The following ANKRD44 variants were observed in gnomAD, a reference collection of about 807,000 sequenced individuals.
ANKRD44 encodes serine/threonine-protein phosphatase 6 regulatory ankyrin repeat subunit B.
Under a neutral mutation model 116.0 loss-of-function variants are expected in ANKRD44, and 35 were observed. The observed-to-expected ratio is 0.30, with a 90% confidence interval of 0.23 to 0.40. The LOEUF (loss-of-function observed/expected upper bound fraction) is 0.40, where lower values mean the gene tolerates loss of function less well. Among genes scored for constraint, ANKRD44 ranks in the 10% least tolerant of loss-of-function variants. ANKRD44 has a pLI of 1.00. For synonymous variants in ANKRD44, 435 were observed against 461.8 expected (o/e 0.94, Z 0.74); for missense variants, 1,014 against 1,242.6 (o/e 0.82, Z 2.77).
intron 18 of ANKRD44, among the ~76,000 whole-genome samples, chr2:197,012,856 A>G (rs1263527783): frequency 6.6e-6 from 1 of 152,268 alleles, no homozygotes; most frequent in East Asian, 1.9e-4. Context: ...AGCCAAAGAT[A>G]TCTATGCCTT....
intron 1 of ANKRD44, among the ~76,000 whole-genome samples, chr2:197,200,710 C>T (rs2081074251): frequency 6.6e-6 from 1 of 152,176 alleles, no homozygotes. Context: ...ATTTAAGCTG[C>T]TCCTGCCCAT....
intron 13 of ANKRD44, among the ~76,000 whole-genome samples, chr2:197,083,976 A>C (rs947985075): frequency 3.9e-5 from 6 of 152,020 alleles, no homozygotes; most frequent in African/African-American, 1.4e-4. Flanking sequence ...GCTTTTTTGG[A>C]TCATTGCAAG....
intron 16 of ANKRD44, among the ~76,000 whole-genome samples, chr2:197,041,741 A>ATCTCAGG (rs1428177701): frequency 2.0e-5 from 3 of 152,146 alleles, no homozygotes; most frequent in African/African-American, 4.8e-5. Flanking sequence ...CAGATCTCAG[A>ATCTCAGG]TCACCTGCAG....
At chr2:197,232,272 A>C (rs1424616708) in intron 1 of ANKRD44, among the ~76,000 whole-genome samples, 1 of 152,184 alleles carries the variant, frequency 6.6e-6, no homozygotes, top group Non-Finnish European at 1.5e-5. Flanking sequence ...GGTGAACTCC[A>C]TTTGATCCGA....
chr2:197,234,576 T>C (rs2081939823), intron 1 of ANKRD44, among the ~76,000 whole-genome samples: 1 of 152,226 alleles, frequency 6.6e-6, no homozygotes, highest in East Asian at 1.9e-4. Context: ...TTTTAAAATT[T>C]TCTAGATTTT....
chr2:197,268,859 T>C (rs1109475), intron 1 of ANKRD44, among the ~76,000 whole-genome samples: 1 of 152,026 alleles, frequency 6.6e-6, no homozygotes, highest in Non-Finnish European at 1.5e-5. Context: ...ACTGGGGAAA[T>C]CATGTTTTAA....
intron 1 of ANKRD44, 38 bp from the exon 2 acceptor site, chr2:197,187,144 A>T (rs2080697419): frequency 2.5e-6 from 4 of 1,576,124 alleles, no homozygotes; most frequent in Middle Eastern, 3.3e-4. Context: ...AACTAAAATT[A>T]ATACATCTGA....
intron 17 of ANKRD44, among the ~76,000 whole-genome samples, chr2:197,018,143 C>T (rs562053758): frequency 3.9e-5 from 6 of 152,352 alleles, no homozygotes; most frequent in Admixed American, 3.9e-4. Context: ...GCTTCCCTTC[C>T]TATCCTTGTC....
At chr2:197,023,589 C>G (rs1434696834) in intron 17 of ANKRD44, among the ~76,000 whole-genome samples, 1 of 151,974 alleles carries the variant, frequency 6.6e-6, no homozygotes, top group South Asian at 2.1e-4. Context: ...AAAAGAAGAA[C>G]GAGAGATGAT....
Position 197,232,500 on chromosome 2 carries a change from C to A in ANKRD44, c.28-45394G>T, listed in dbSNP as rs144788039. On this transcript the variant is annotated intron_variant, in intron 1 of 27. Transcript: ENST00000282272. ...CAGGTAGAAATGGGAGAAATAAGCA[C>A]CACATATTTACAAGGATGTTGAGGA... Among the ~76,000 whole-genome samples, 818 of 152,304 alleles carry A rather than the reference C, an allele frequency of 5.4e-3. 7 individuals are homozygous for A. Among genetic ancestry groups the A allele is most frequent in the African/African-American group, 0.019 (769 of 41,552 alleles).
intron 1 of ANKRD44, among the ~76,000 whole-genome samples, chr2:197,231,148 C>T (rs1189871500): frequency 2.6e-5 from 4 of 152,070 alleles, no homozygotes; most frequent in African/African-American, 9.7e-5. Context: ...GAGGGCTGGG[C>T]GTGATGGCTT....
Position 196,989,444 on chromosome 2 carries a change from A to G in ANKRD44, c.*147T>C. On this transcript the variant is annotated 3_prime_UTR_variant, in exon 28 of 28. Transcript: ENST00000282272. ...AGTTCTCACTTGCATTTTGAAGGAA[A>G]AAAATGTGTATCTTCCATTTTAGAC... The G allele has an allele frequency of 2.3e-5, 29 of 1,267,500 alleles. No homozygotes were observed. Among genetic ancestry groups the G allele is most frequent in the Non-Finnish European group, 2.9e-5 (29 of 1,004,358 alleles). 78.5% of individuals were successfully genotyped at this position (1,267,500 alleles called of 1,614,324 possible). A position where few individuals can be genotyped will look rare whatever the true frequency, so the allele number is the denominator to read the frequency against.
In ANKRD44 at chr2:197,110,777, A is replaced by C; in HGVS notation, c.974T>G (p.Leu325Arg). 6.2e-7 allele frequency: 1 copy of C among 1,613,372 alleles called. No individual in the cohort carries two copies. The highest frequency in any genetic ancestry group is 8.5e-7 in the Non-Finnish European group (1 of 1,179,328). ...VHGRFTRSQT[L>R]IQNGGEIDCV... ...AGCATCTCTCTTACCATTCTGAATG[A>C]GGGTCTGTGACCGTGTGAACCTTCC... is the stretch of plus-strand genomic sequence containing the variant. The change falls in exon 9 of 28, where the codon CTC becomes CGC. Residue 325 changes from leucine to arginine, a missense_variant. By Grantham distance (102) the Leu-to-Arg change is moderately radical. Coordinates refer to ENST00000282272, the MANE Select transcript of ANKRD44 (RefSeq NM_001195144.2).
In ANKRD44 at chr2:197,187,092, C is replaced by T. The variant is rs780816862; in HGVS notation, c.42G>A (p.Gln14=). 3.1e-6 allele frequency: 5 copies of T among 1,614,098 alleles called. No homozygotes were observed. In the South Asian group the frequency reaches 4.4e-5, roughly 14 times the overall value. ...CCTCTGGATCACCGCTGAAGATTGC[C>T]TGAACCAATGGTGGCTGCAAACACA... ...LKLTDQPPLV[Q]AIFSGDPEEI... is the part of the protein sequence containing the mutation. The change falls in exon 2 of 28, where the codon CAG becomes CAA. Residue 14 remains glutamine (Q), a synonymous_variant. Transcript: ENST00000282272.
chr2:197,308,815 T>C (rs2084153199), intron 1 of ANKRD44, among the ~76,000 whole-genome samples: 1 of 152,194 alleles, frequency 6.6e-6, no homozygotes, highest in African/African-American at 2.4e-5. Flanking sequence ...GAAGAGATGT[T>C]TTCTTGTAAC....
intron 2 of ANKRD44, among the ~76,000 whole-genome samples, chr2:197,168,842 A>G (rs2080160490): frequency 6.6e-6 from 1 of 152,186 alleles, no homozygotes; most frequent in African/African-American, 2.4e-5. Context: ...GCTCATGAGT[A>G]CATGGCGTCA....
chr2:197,010,899 C>T (rs2076287629), intron 18 of ANKRD44, among the ~76,000 whole-genome samples: 1 of 152,204 alleles, frequency 6.6e-6, no homozygotes, highest in Non-Finnish European at 1.5e-5. Flanking sequence ...AACAATGACA[C>T]ATTTTTTCAG....
chr2:197,099,778 T>G (rs1408539125), intron 10 of ANKRD44, 38 bp downstream of exon 10: 1 of 1,612,268 alleles, frequency 6.2e-7, no homozygotes, highest in East Asian at 2.2e-5. Flanking sequence ...TATTCCCACT[T>G]GAGGCAATTA....
chr2:197,274,575 G>A (rs750194792), intron 1 of ANKRD44, among the ~76,000 whole-genome samples: 1 of 152,172 alleles, frequency 6.6e-6, no homozygotes, highest in African/African-American at 2.4e-5. Context: ...TCACTCCAGG[G>A]CTTCCTGCCA....
Sources: gnomAD v4.1 joint callset for allele counts (sites outside exome capture counted in the v4.1 genomes callset) on GRCh38, gnomAD v4.1.1 for gene constraint, MANE v1.5 for transcripts, NCBI Gene and HGNC (gene_info 2026-07-23, HGNC 2026-07-21) for gene names.